YTHDC2: variants seen among roughly 807,000 people sequenced by gnomAD.
YTHDC2 encodes the protein 3'-5' RNA helicase YTHDC2.
In YTHDC2, 45 loss-of-function variants were observed where a neutral mutation model predicts 174.9. The ratio of observed to expected loss-of-function variants is 0.26; its 90% CI spans 0.20 to 0.33. YTHDC2 has a LOEUF of 0.33. Among genes scored for constraint, YTHDC2 ranks in the 10% least tolerant of loss-of-function variants. YTHDC2 has a pLI of 1.00. For synonymous variants in YTHDC2, 657 were observed against 574.5 expected, an observed-to-expected ratio of 1.14 and a Z score of -2.05; for missense variants, 1,650 against 1,723.7, an observed-to-expected ratio of 0.96 and a Z score of 0.76.
At chr5:113,533,676 A>T (rs960633828) in intron 5 of YTHDC2, among the ~76,000 whole-genome samples, 42 of 152,344 alleles carry the variant, frequency 2.8e-4, no homozygotes, top group African/African-American at 6.3e-4. Flanking sequence ...TGTGAAGTTT[A>T]TAGTGAACAC....
At chr5:113,548,870 G>C in intron 11 of YTHDC2, 85 bp from the exon 12 acceptor site, 1 of 1,322,084 alleles carries the variant, frequency 7.6e-7, no homozygotes, top group South Asian at 1.7e-5. Flanking sequence ...TTTTTGAAAA[G>C]ACAGGGTCTT....
chr5:113,553,538 T>G (rs1776404499), intron 13 of YTHDC2, 52 bp from the exon 14 acceptor site: 2 of 1,570,000 alleles, frequency 1.3e-6, no homozygotes, highest in South Asian at 2.3e-5. Context: ...ATTCTGTTGA[T>G]TGCCTCTGAT....
intron 10 of YTHDC2, among the ~76,000 whole-genome samples, chr5:113,546,689 G>A (rs1034263241): frequency 6.6e-6 from 1 of 152,186 alleles, no homozygotes; most frequent in African/African-American, 2.4e-5. Flanking sequence ...CATAGTTTCT[G>A]AGAGTCAAGA....
At chr5:113,515,744 G>A (rs1020016575) in intron 2 of YTHDC2, among the ~76,000 whole-genome samples, 1 of 152,174 alleles carries the variant, frequency 6.6e-6, no homozygotes, top group South Asian at 2.1e-4. Context: ...TGGGGCTTAT[G>A]TGGCATCTTA....
chr5:113,514,195 C>T (rs756624385), intron 1 of YTHDC2, 113 bp downstream of exon 1: 139 of 1,351,740 alleles, frequency 1.0e-4, no homozygotes, highest in Non-Finnish European at 1.4e-4. Flanking sequence ...GGAGGGAAGA[C>T]CCGGGCCACC....
intron 26 of YTHDC2, among the ~76,000 whole-genome samples, chr5:113,590,204 G>A (rs1208216147): frequency 3.9e-5 from 6 of 152,122 alleles, no homozygotes; most frequent in Admixed American, 3.9e-4. Flanking sequence ...TTTCAATAGC[G>A]TTAGACTTTG....
chr5:113,526,432 G>A (rs1225079250), intron 3 of YTHDC2, among the ~76,000 whole-genome samples, 154 bp from the exon 4 acceptor site: 1 of 152,068 alleles, frequency 6.6e-6, no homozygotes, highest in East Asian at 1.9e-4. Flanking sequence ...ACTTTATGTA[G>A]ACTGAGTAGA....
chr5:113,566,171 A>T (rs767915589), intron 21 of YTHDC2, 152 bp downstream of exon 21: 1 of 935,256 alleles, frequency 1.1e-6, no homozygotes, highest in East Asian at 3.0e-5. Flanking sequence ...GTAGACTTCG[A>T]TATGTCTTCA....
rs1170799735 is a variant in YTHDC2 at position 113,521,359 on chromosome 5, G to C, written c.279-3622G>C. ...TGATGTTCACATCAAGTTCATAGCA[G>C]TGTAGTAGGTGCTCTGAGGAGTTAG... On this transcript the variant is annotated intron_variant, in intron 2 of 29. Transcript: ENST00000161863. 3.9e-5 allele frequency among the ~76,000 whole-genome samples: 6 copies of C among 152,304 alleles called. No homozygotes were observed. The East Asian group carries it at 7.7e-4, about 20-fold the overall frequency.
chr5:113,519,655 C>T (rs1256461922), intron 2 of YTHDC2, among the ~76,000 whole-genome samples: 1 of 152,108 alleles, frequency 6.6e-6, no homozygotes, highest in African/African-American at 2.4e-5. Flanking sequence ...GTCCCATGGA[C>T]TTAAAATCAA....
At chr5:113,571,050 A>C (rs1777682537) in intron 23 of YTHDC2, among the ~76,000 whole-genome samples, 1 of 152,200 alleles carries the variant, frequency 6.6e-6, no homozygotes, top group Non-Finnish European at 1.5e-5. Flanking sequence ...ACATCCTTGT[A>C]CTGTGACAGT....
chr5:113,591,337 A>C (rs1778994379), intron 27 of YTHDC2, 93 bp downstream of exon 27: 1 of 1,201,022 alleles, frequency 8.3e-7, no homozygotes, highest in Non-Finnish European at 1.2e-6. Flanking sequence ...TCATTGCATC[A>C]GAATGCAAGA....
chr5:113,584,120 A>G (rs1268002642), intron 25 of YTHDC2, 182 bp from the exon 26 acceptor site: 2 of 432,366 alleles, frequency 4.6e-6, no homozygotes, highest in Non-Finnish European at 3.9e-6. Flanking sequence ...GTAAATTTAG[A>G]ACTGCCATAG....
In YTHDC2 at chr5:113,534,321, C is replaced by A. The variant is rs1158934748; in HGVS notation, c.859C>A (p.Leu287Ile). Reference protein sequence around the residue: ...RLESRVSPKTLLTFCTNGVLL... With the variant: ...RLESRVSPKTILTFCTNGVLL... The stretch of plus-strand genomic sequence containing the variant: ...TTTTAAAAGGGTTTCTCCAAAGACA[C>A]TTCTGACATTTTGTACTAATGGGGT... Residue 287 changes from leucine (L) to isoleucine (I), a missense_variant, in exon 6 of 30, where the codon CTT becomes ATT. Physicochemically the swap from Leu to Ile is conservative, Grantham distance 5 (BLOSUM62 2). Coordinates refer to ENST00000161863, the MANE Select transcript of YTHDC2 (RefSeq NM_022828.5). 6 of 1,612,380 alleles carry A rather than the reference C, an allele frequency of 3.7e-6. No homozygotes were observed. Among genetic ancestry groups the A allele is most frequent in the Non-Finnish European group, 5.1e-6 (6 of 1,178,850 alleles).
chr5:113,579,456 G>A lies in YTHDC2; in HGVS notation c.3245-130G>A, dbSNP rs1055354391. 5 of 545,310 alleles carry A rather than the reference G, an allele frequency of 9.2e-6. No homozygotes were observed. In the Admixed American group the frequency reaches 1.0e-4, roughly 11 times the overall value. The allele number at this position is 545,310 out of a possible 1,614,324, so 33.8% of individuals were successfully genotyped here. A position where few individuals can be genotyped will look rare whatever the true frequency, so the allele number is the denominator to read the frequency against. ...ATTTAACATGTGATCTTTTGAGTTTGAAGGACTTCCCACACAAATTGTTGT... is the reference window on the plus strand; with the variant it reads ...ATTTAACATGTGATCTTTTGAGTTTAAAGGACTTCCCACACAAATTGTTGT... On this transcript the variant is annotated intron_variant, in intron 23 of 29. Coordinates refer to ENST00000161863, the MANE Select transcript of YTHDC2 (RefSeq NM_022828.5).
At chr5:113,518,481 C>A (rs1202426247) in intron 2 of YTHDC2, among the ~76,000 whole-genome samples, 1 of 151,994 alleles carries the variant, frequency 6.6e-6, no homozygotes, top group African/African-American at 2.4e-5. Flanking sequence ...AGATTACAGA[C>A]ATGAGCCACT....
At chr5:113,559,219 T>A (rs528845424) in intron 17 of YTHDC2, among the ~76,000 whole-genome samples, 11 of 151,988 alleles carry the variant, frequency 7.2e-5, no homozygotes, top group Admixed American at 5.9e-4. Context: ...TCAAAAACTT[T>A]ATGGAAAATG....
intron 9 of YTHDC2, 76 bp downstream of exon 9, chr5:113,541,192 A>ATTTT: frequency 7.8e-6 from 10 of 1,281,112 alleles, no homozygotes; most frequent in African/African-American, 3.1e-5. Flanking sequence ...TGAGCTTATA[A>ATTTT]TTTTTTTTTT....
chr5:113,543,463 A>G (rs1351027056), intron 10 of YTHDC2, among the ~76,000 whole-genome samples: 4 of 151,930 alleles, frequency 2.6e-5, no homozygotes, highest in Middle Eastern at 3.2e-3. Flanking sequence ...CCTACTGTAC[A>G]TTTCACTCCC....
Sources: gnomAD v4.1 joint callset for allele counts (sites outside exome capture counted in the v4.1 genomes callset) on GRCh38, gnomAD v4.1.1 for gene constraint, MANE v1.5 for transcripts, NCBI Gene and HGNC (gene_info 2026-07-23, HGNC 2026-07-21) for gene names.